Variants in STK32B observed in about 807,000 individuals in gnomAD.
STK32B encodes serine/threonine kinase 32B.
STK32B carries 43 observed loss-of-function variants against 52.6 expected under a neutral mutation model. The ratio of observed to expected loss-of-function variants is 0.82; its 90% CI spans 0.64 to 1.05. The LOEUF (loss-of-function observed/expected upper bound fraction) is 1.05, where lower values mean the gene tolerates loss of function less well. Ranked by LOEUF, STK32B falls within the 50% of genes least tolerant of loss-of-function variation. The probability of loss-of-function intolerance (pLI) is 0.00; values close to 1 mark genes in which losing one functional copy is unlikely to be tolerated. For synonymous variants in STK32B, 238 were observed against 204.3 expected (o/e 1.17, Z -1.41); for missense variants, 621 against 534.6 (o/e 1.16, Z -1.59).
intron 3 of STK32B, among the ~76,000 whole-genome samples, chr4:5,234,166 A>G (rs1010148898): frequency 2.0e-5 from 3 of 152,212 alleles, no homozygotes; most frequent in Admixed American, 6.5e-5. Flanking sequence ...AGGTTAGATT[A>G]TTGGAAGCGT....
chr4:5,094,523 G>A (rs552037213), intron 1 of STK32B, among the ~76,000 whole-genome samples: 81 of 152,224 alleles, frequency 5.3e-4, no homozygotes, highest in Middle Eastern at 3.4e-3. Flanking sequence ...GCATGGTGGT[G>A]TGCACCTGCA....
At chr4:5,265,862 G>A (rs1277162019) in intron 3 of STK32B, among the ~76,000 whole-genome samples, 1 of 151,996 alleles carries the variant, frequency 6.6e-6, no homozygotes, top group Non-Finnish European at 1.5e-5. Flanking sequence ...GATTTTAATA[G>A]CACATAATAT....
At chr4:5,304,798 C>T (rs1577318539) in intron 3 of STK32B, among the ~76,000 whole-genome samples, 1 of 151,982 alleles carries the variant, frequency 6.6e-6, no homozygotes, top group Non-Finnish European at 1.5e-5. Context: ...ACTTTTTTCC[C>T]ATTCAGTAGA....
chr4:5,457,461 A>G (rs937100390), intron 8 of STK32B, among the ~76,000 whole-genome samples: 2 of 151,080 alleles, frequency 1.3e-5, no homozygotes, highest in African/African-American at 4.9e-5. Context: ...GTGATCCGCC[A>G]GCCTCGGCCT....
intron 11 of STK32B, among the ~76,000 whole-genome samples, chr4:5,482,079 G>A (rs1718762282): frequency 6.6e-6 from 1 of 152,110 alleles, no homozygotes; most frequent in Admixed American, 6.5e-5. Flanking sequence ...CTCTATTTTG[G>A]TTCCATATGA....
chr4:5,320,213 C>T (rs11735813), intron 3 of STK32B, among the ~76,000 whole-genome samples: 2,070 of 152,176 alleles, frequency 0.014, 30 homozygotes, highest in East Asian at 0.07. Flanking sequence ...TTGAGTAGAG[C>T]GGCCACATCT....
the STK32B span, among the ~76,000 whole-genome samples, chr4:5,036,659 ATTTTTT>A: frequency 4.0e-5 from 3 of 74,204 alleles, no homozygotes; most frequent in African/African-American, 1.1e-4. Context: ...GCAAGGGTGG[ATTTTTT>A]TTTTTTTTTT....
chr4:5,071,760 C>T (rs1441964320), intron 1 of STK32B, among the ~76,000 whole-genome samples: 1 of 152,118 alleles, frequency 6.6e-6, no homozygotes, highest in Non-Finnish European at 1.5e-5. Context: ...TTATTTCTTC[C>T]AGAAAATAAC....
chr4:5,271,628 A>T (rs1727437260), intron 3 of STK32B, among the ~76,000 whole-genome samples: 5 of 147,498 alleles, frequency 3.4e-5, no homozygotes, highest in African/African-American at 2.7e-5. Flanking sequence ...GATTCTTCCT[A>T]CCCATGAGCA....
intron 3 of STK32B, among the ~76,000 whole-genome samples, chr4:5,292,111 C>T (rs1262713198): frequency 2.0e-5 from 3 of 152,116 alleles, no homozygotes; most frequent in African/African-American, 7.2e-5. Flanking sequence ...AACACGAGTG[C>T]AGCGGTCTTT....
At chr4:5,049,566 G>C (rs1391286559), upstream of STK32B, among the ~76,000 whole-genome samples, 1 of 152,200 alleles carries the variant, frequency 6.6e-6, no homozygotes, top group Non-Finnish European at 1.5e-5. Context: ...AAGGTGCTCA[G>C]TCGGGAGCTT....
intron 1 of STK32B, among the ~76,000 whole-genome samples, chr4:5,136,626 C>A (rs1234792219): frequency 3.3e-5 from 5 of 152,242 alleles, no homozygotes; most frequent in African/African-American, 1.2e-4. Flanking sequence ...CCAAAGAAAC[C>A]ACTCTTCAAC....
intron 6 of STK32B, among the ~76,000 whole-genome samples, chr4:5,433,247 G>A (rs748965591): frequency 2.6e-5 from 4 of 152,178 alleles, no homozygotes; most frequent in Non-Finnish European, 4.4e-5. Context: ...CAAATACAAA[G>A]GCGGAAAGAG....
intron 4 of STK32B, among the ~76,000 whole-genome samples, chr4:5,389,166 C>T (rs940948979): frequency 6.6e-6 from 1 of 152,140 alleles, no homozygotes; most frequent in Admixed American, 6.6e-5. Flanking sequence ...GTTTCCATGC[C>T]TTCAAATTAA....
chr4:5,457,329 C>T lies in STK32B; in HGVS notation c.783+406C>T, dbSNP rs190982008. On this transcript the variant is annotated intron_variant, in intron 8 of 11. Transcript: ENST00000282908. The stretch of plus-strand genomic sequence containing the variant: ...CTCCCGGGTTCACGCCATTTTCCTG[C>T]CTCAGCCTCCTGAGTAGCTGGGACT... Among the ~76,000 whole-genome samples, 714 of 151,006 alleles carry T rather than the reference C, an allele frequency of 4.7e-3. 3 individuals carry two copies. Among genetic ancestry groups the T allele is most frequent in the Middle Eastern group, 0.017 (5 of 292 alleles).
chr4:5,266,564 G>A (rs1441900871), intron 3 of STK32B, among the ~76,000 whole-genome samples: 1 of 152,230 alleles, frequency 6.6e-6, no homozygotes, highest in African/African-American at 2.4e-5. Context: ...ACTCTGTGAA[G>A]TGACCAAGGA....
At chr4:5,486,750 C>G (rs1719253137) in intron 11 of STK32B, among the ~76,000 whole-genome samples, 2 of 152,174 alleles carry the variant, frequency 1.3e-5, no homozygotes, top group Admixed American at 6.5e-5. Context: ...GGCTCCACCC[C>G]CCTAAAATGT....
chr4:5,480,081 G>A (rs1293889337), intron 11 of STK32B, among the ~76,000 whole-genome samples: 1 of 152,038 alleles, frequency 6.6e-6, no homozygotes, highest in Non-Finnish European at 1.5e-5. Flanking sequence ...TAACAGCCTC[G>A]GTGACAGTCA....
At chr4:5,213,190 T>C (rs750331372) in intron 3 of STK32B, among the ~76,000 whole-genome samples, 64 of 152,188 alleles carry the variant, frequency 4.2e-4, no homozygotes, top group Non-Finnish European at 8.7e-4. Flanking sequence ...CATCACCTCA[T>C]TGAGTCCAAG....
Sources: allele counts gnomAD v4.1 joint callset (sites outside exome capture counted in the v4.1 genomes callset), GRCh38; gene constraint gnomAD v4.1.1; transcripts MANE v1.5; gene names NCBI Gene and HGNC (gene_info 2026-07-23, HGNC 2026-07-21).